The following ATAD2B variants were observed in gnomAD, a reference collection of about 807,000 sequenced individuals.
ATAD2B encodes the protein ATPase family AAA domain containing 2B, also known as ATPase family AAA domain-containing protein 2B.
A neutral mutation model predicts 167.6 loss-of-function variants in ATAD2B; 40 were observed. That is an observed-to-expected ratio of 0.24 (90% CI 0.19 to 0.31). The LOEUF is 0.31. ATAD2B is among the 10% of genes least tolerant of loss of function. The pLI, the probability that ATAD2B is intolerant of heterozygous loss-of-function variation, is 1.00. For missense variants in ATAD2B, 1,242 were observed against 1,757.2 expected, an observed-to-expected ratio of 0.71 and a Z score of 5.24; for synonymous variants, 579 against 596.5, an observed-to-expected ratio of 0.97 and a Z score of 0.43.
chr2:23,694,488 C>T, the ATAD2B span, among the ~76,000 whole-genome samples: 2 of 152,202 alleles, frequency 1.3e-5, no homozygotes, highest in Admixed American at 1.3e-4. Flanking sequence ...TAAAAGCACA[C>T]TGAACATCTC....
At chr2:23,801,806 A>G (rs1222052024) in intron 18 of ATAD2B, among the ~76,000 whole-genome samples, 1 of 152,106 alleles carries the variant, frequency 6.6e-6, no homozygotes, top group African/African-American at 2.4e-5. Context: ...AGTTAGAAGT[A>G]TCCATCCAAG....
chr2:23,808,233 T>C (rs942561586), intron 18 of ATAD2B, among the ~76,000 whole-genome samples: 3 of 141,600 alleles, frequency 2.1e-5, no homozygotes, highest in Admixed American at 7.3e-5. Context: ...AGTAAATATA[T>C]ATATTTACTT....
downstream of ATAD2B, among the ~76,000 whole-genome samples, chr2:23,745,368 A>AAGGAAGGAAG (rs1674783911): frequency 5.7e-5 from 3 of 52,884 alleles, no homozygotes; most frequent in East Asian, 5.9e-4. Flanking sequence ...AAGGAAGGAA[A>AAGGAAGGAAG]GAAGGAAGGA....
chr2:23,918,426 AAAAT>A (rs1443401251), intron 1 of ATAD2B, among the ~76,000 whole-genome samples: 2 of 152,120 alleles, frequency 1.3e-5, no homozygotes, highest in African/African-American at 2.4e-5. Flanking sequence ...AAAAAATTTA[AAAAT>A]AAAAAATGAA....
chr2:23,850,235 A>C (rs746553076), intron 13 of ATAD2B, among the ~76,000 whole-genome samples: 3 of 152,290 alleles, frequency 2.0e-5, no homozygotes, highest in Non-Finnish European at 4.4e-5. Context: ...ATCAGGAAAA[A>C]TAACCACAGC....
intron 1 of ATAD2B, 143 bp from the exon 2 acceptor site, chr2:23,896,113 C>G: frequency 2.1e-5 from 8 of 384,108 alleles, no homozygotes; most frequent in Non-Finnish European, 3.1e-5. Context: ...GTCAGGAGTT[C>G]AAGACCAGAC....
At chr2:23,911,107 G>A (rs1376821069) in intron 1 of ATAD2B, among the ~76,000 whole-genome samples, 1 of 151,458 alleles carries the variant, frequency 6.6e-6, no homozygotes, top group Admixed American at 6.6e-5. Flanking sequence ...TGTAATGCCA[G>A]CTACTCGGGA....
intron 7 of ATAD2B, among the ~76,000 whole-genome samples, chr2:23,879,424 A>C (rs1697519401): frequency 6.6e-6 from 1 of 152,162 alleles, no homozygotes; most frequent in African/African-American, 2.4e-5. Context: ...CCTCGGCAAC[A>C]CAGCAAGATC....
the ATAD2B span, among the ~76,000 whole-genome samples, chr2:23,724,893 A>G: frequency 6.6e-6 from 1 of 151,984 alleles, no homozygotes; most frequent in African/African-American, 2.4e-5. Context: ...AATACAAAAA[A>G]TTAGCCAGGC....
In ATAD2B at chr2:23,926,989, C is replaced by CT. The variant is rs1704988503; in HGVS notation, c.-220_-219insA. On this transcript the variant is annotated 5_prime_UTR_variant, in exon 1 of 28. Coordinates refer to ENST00000238789, the MANE Select transcript of ATAD2B (RefSeq NM_017552.4). ...CGGGAAGCGGGGGCGGTGCTGCAGA[C>CT]CGGCAGCACAGACACTCCGCCGGCT... is the stretch of plus-strand genomic sequence containing the variant. The CT allele has an allele frequency of 1.8e-6, 1 of 541,698 alleles. No homozygotes were observed. Among genetic ancestry groups the CT allele is most frequent in the Non-Finnish European group, 3.1e-6 (1 of 318,810 alleles). The allele number at this position is 541,698 out of a possible 1,614,324, so 33.6% of individuals were successfully genotyped here.
the ATAD2B span, chr2:23,696,665 A>G: frequency 1.6e-6 from 1 of 611,002 alleles, no homozygotes; most frequent in Non-Finnish European, 2.8e-6. This position sits in a 1 kb window ranked among gnomAD's most constrained non-coding sequence, Gnocchi z 5.5. Context: ...CTTCAGTCAC[A>G]GCACCGGGGG....
intron 1 of ATAD2B, among the ~76,000 whole-genome samples, chr2:23,903,032 C>T (rs1701016345): frequency 2.0e-5 from 3 of 152,030 alleles, no homozygotes; most frequent in Admixed American, 2.0e-4. Context: ...CTCAGGAGTT[C>T]GAGCCCAGCC....
Position 23,771,281 on chromosome 2 carries a change from C to T in ATAD2B, c.3134-5653G>A, listed in dbSNP as rs545994752. 3.3e-5 allele frequency among the ~76,000 whole-genome samples: 5 copies of T among 152,228 alleles called. No individual in the cohort carries two copies. In the South Asian group the frequency reaches 6.2e-4, roughly 19 times the overall value. ...TTCTTTCTTTCTGGAAGTAGGGATG[C>T]CTTTATTTCTTTTTCTTACCTTACT... On this transcript the variant is annotated intron_variant, in intron 22 of 27. Transcript: ENST00000238789.
chr2:23,878,075 A>G (rs1453388327), intron 7 of ATAD2B, among the ~76,000 whole-genome samples: 1 of 149,564 alleles, frequency 6.7e-6, no homozygotes, highest in East Asian at 2.0e-4. Flanking sequence ...TAAAATTACA[A>G]ATGGGCCAGG....
the ATAD2B span, among the ~76,000 whole-genome samples, chr2:23,729,129 A>G: frequency 6.6e-6 from 1 of 152,232 alleles, no homozygotes; most frequent in African/African-American, 2.4e-5. Flanking sequence ...ATCACCTCCC[A>G]CCAGGTCCCT....
At chr2:23,703,555 G>A in the ATAD2B span, among the ~76,000 whole-genome samples, 5 of 152,380 alleles carry the variant, frequency 3.3e-5, no homozygotes, top group South Asian at 1.0e-3. Flanking sequence ...GGGCAAGTGA[G>A]TCAAGGCTCC....
chr2:23,897,108 C>T (rs368418852), intron 1 of ATAD2B, among the ~76,000 whole-genome samples: 6 of 152,130 alleles, frequency 3.9e-5, no homozygotes, highest in African/African-American at 1.2e-4. Flanking sequence ...GGTGACAGAG[C>T]GAGACTCCGT....
At chr2:23,918,202 CAAAAAAA>C (rs35163952) in intron 1 of ATAD2B, among the ~76,000 whole-genome samples, 3 of 95,982 alleles carry the variant, frequency 3.1e-5, no homozygotes, top group African/African-American at 1.3e-4. Flanking sequence ...CTTGTCTCTA[CAAAAAAA>C]AAAAAAAAAA....
rs564677582 is a variant in ATAD2B, at chr2:23,925,032, T to C, written c.216+1523A>G. 5.3e-5 allele frequency among the ~76,000 whole-genome samples: 8 copies of C among 152,340 alleles called. No individual in the cohort carries two copies. The South Asian group carries it at 1.7e-3, about 32-fold the overall frequency. ...ACATAGCATGATACGATTAAATGCT[T>C]ACACCCTAAATATTTTCTTTGTCCT... On this transcript the variant is annotated intron_variant, in intron 1 of 27. Transcript: ENST00000238789.
Sources: gnomAD v4.1 joint callset for allele counts (sites outside exome capture counted in the v4.1 genomes callset) on GRCh38, gnomAD v4.1.1 for gene constraint, Gnocchi (gnomAD v3.1) non-coding constraint, MANE v1.5 for transcripts, NCBI Gene and HGNC (gene_info 2026-07-23, HGNC 2026-07-21) for gene names.